Variants in CADPS observed in about 807,000 individuals in gnomAD.
CADPS encodes the protein calcium-dependent secretion activator 1.
In CADPS, 57 loss-of-function variants were observed where a neutral mutation model predicts 167.3. That is an observed-to-expected ratio of 0.34 (90% CI 0.28 to 0.42). The LOEUF (loss-of-function observed/expected upper bound fraction) is 0.42, where lower values mean the gene tolerates loss of function less well. CADPS is among the 20% of genes least tolerant of loss of function. The probability of loss-of-function intolerance (pLI) is 1.00; values close to 1 mark genes in which losing one functional copy is unlikely to be tolerated. For missense variants in CADPS, 1,414 were observed against 1,738.1 expected, an observed-to-expected ratio of 0.81 and a Z score of 3.32; for synonymous variants, 676 against 635.3, an observed-to-expected ratio of 1.06 and a Z score of -0.96.
At chr3:62,545,918 CT>C (rs1317651184) in intron 11 of CADPS, among the ~76,000 whole-genome samples, 1 of 152,022 alleles carries the variant, frequency 6.6e-6, no homozygotes, top group African/African-American at 2.4e-5. Context: ...ACGTAGCTTC[CT>C]TTTGTCTTGT....
chr3:62,670,124 A>G (rs1469652075), intron 3 of CADPS, among the ~76,000 whole-genome samples: 1 of 152,172 alleles, frequency 6.6e-6, no homozygotes, highest in East Asian at 1.9e-4. Context: ...CTCTCGGAGC[A>G]TCTACAGCTG....
Position 62,757,903 on chromosome 3 carries a change from C to T in CADPS, c.556-4130G>A, listed in dbSNP as rs139610071. Reference sequence around the variant, plus strand: ...TGGGAACTCGCCTTTATAAAACCATCAGATATCTTGAGACTTATTCACTAT... The same window carrying T: ...TGGGAACTCGCCTTTATAAAACCATTAGATATCTTGAGACTTATTCACTAT... On this transcript the variant is annotated intron_variant, in intron 2 of 29. Transcript: ENST00000383710. Among the ~76,000 whole-genome samples, 410 of 152,262 alleles carry T rather than the reference C, an allele frequency of 2.7e-3. 3 individuals are homozygous for T. Among genetic ancestry groups the T allele is most frequent in the African/African-American group, 8.3e-3 (345 of 41,544 alleles).
At chr3:62,418,242 A>C (rs560489775) in intron 28 of CADPS, among the ~76,000 whole-genome samples, 1 of 150,140 alleles carries the variant, frequency 6.7e-6, no homozygotes, top group Admixed American at 6.6e-5. Flanking sequence ...TTTAATTTTT[A>C]TTGTATTTTT....
chr3:62,634,661 G>C (rs2065930644), intron 6 of CADPS, among the ~76,000 whole-genome samples: 1 of 152,078 alleles, frequency 6.6e-6, no homozygotes, highest in African/African-American at 2.4e-5. Context: ...TTGACTATTT[G>C]GTCTCCTAAA....
chr3:62,755,230 C>G (rs529901), intron 2 of CADPS, among the ~76,000 whole-genome samples: 137,590 of 152,040 alleles, frequency 0.9, 62,371 homozygotes, highest in African/African-American at 0.94. Context: ...AACCTCTCCC[C>G]CCTGGTGGAA....
Position 62,509,235 on chromosome 3 carries a change from T to C in CADPS, c.2599+3516A>G, listed in dbSNP as rs376273576. On this transcript the variant is annotated intron_variant, in intron 17 of 29. Transcript: ENST00000383710. The stretch of plus-strand genomic sequence containing the variant: ...AAAAGTATTGTTTGAACCCAGGAAG[T>C]AGATGTTGTGGTGAGCCAGGATCCT... Among the ~76,000 whole-genome samples the C allele has an allele frequency of 4.6e-4, 65 of 140,746 alleles. 1 individual carries two copies. In the South Asian group the frequency reaches 7.2e-3, roughly 16 times the overall value. The allele number at this position is 140,746 out of a possible 152,430, so 92.3% of individuals were successfully genotyped here.
At chr3:62,701,619 A>AG (rs1432664289) in intron 3 of CADPS, among the ~76,000 whole-genome samples, 1 of 151,304 alleles carries the variant, frequency 6.6e-6, no homozygotes, top group African/African-American at 2.4e-5. Flanking sequence ...AAAAAAAAAA[A>AG]AAAGAAAGAA....
chr3:62,631,336 A>G (rs2065240129), intron 6 of CADPS, among the ~76,000 whole-genome samples: 1 of 152,160 alleles, frequency 6.6e-6, no homozygotes, highest in African/African-American at 2.4e-5. Context: ...TGGTGCCCTG[A>G]TCACGGATGG....
At chr3:62,606,285 G>A (rs909985712) in intron 6 of CADPS, among the ~76,000 whole-genome samples, 2 of 152,122 alleles carry the variant, frequency 1.3e-5, no homozygotes, top group African/African-American at 4.8e-5. Flanking sequence ...GAGGAGTGGG[G>A]CTTTTAAGAG....
Position 62,874,580 on chromosome 3 carries a change from C to G in CADPS, c.441+9G>C. 6.5e-7 allele frequency: 1 copy of G among 1,543,866 alleles called. No homozygotes were observed. The highest frequency in any genetic ancestry group is 1.7e-4 in the Middle Eastern group (1 of 5,912). ...GGTGCTGCTCCCTGGGCCTCCCAGG[C>G]GCACCTACCTTCTGCTGCCGGCGAG... is the stretch of plus-strand genomic sequence containing the variant. On this transcript the variant is annotated intron_variant, in intron 1 of 29. Transcript: ENST00000383710. This position sits in a 1 kb window ranked among gnomAD's most constrained non-coding sequence, Gnocchi z 7.1.
At chr3:62,663,897 G>A (rs2073903874) in intron 3 of CADPS, among the ~76,000 whole-genome samples, 1 of 152,164 alleles carries the variant, frequency 6.6e-6, no homozygotes. Flanking sequence ...AAACTGGATT[G>A]CAACATTTGG....
At position 62,544,770 on chromosome 3, in the gene CADPS, G is replaced by A; in HGVS notation, c.1966+5133C>T. On this transcript the variant is annotated intron_variant, in intron 11 of 29. Coordinates refer to ENST00000383710, the MANE Select transcript of CADPS (RefSeq NM_003716.4). The surrounding 1 kb of genome is among the most constrained non-coding windows in gnomAD (Gnocchi z 4.4). ...ATTCTAGACATGAGGAAGATTTAAGGGGGAGGGAAGCACATTGCAGGTGTC... is the reference window on the plus strand; with the variant it reads ...ATTCTAGACATGAGGAAGATTTAAGAGGGAGGGAAGCACATTGCAGGTGTC... 1 of 672,410 alleles carries A rather than the reference G, an allele frequency of 1.5e-6. No homozygotes were observed. The highest frequency in any genetic ancestry group is 2.0e-6 in the Non-Finnish European group (1 of 508,374). The allele number at this position is 672,410 out of a possible 1,614,324, so 41.7% of individuals were successfully genotyped here.
Position 62,698,731 on chromosome 3 carries a change from C to CTTTTTTT in CADPS, c.889-36344_889-36338dup, listed in dbSNP as rs201324385. On this transcript the variant is annotated intron_variant, in intron 3 of 29. Coordinates refer to ENST00000383710, the MANE Select transcript of CADPS (RefSeq NM_003716.4). ...TCTCCTTTCCTTTCCTCCCCACTTC[C>CTTTTTTT]TTTTTTTTTTTTTTTTTTTTTTTTT... Among the ~76,000 whole-genome samples the CTTTTTTT allele has an allele frequency of 1.5e-4, 10 of 67,240 alleles. 1 individual carries two copies. Among genetic ancestry groups the CTTTTTTT allele is most frequent in the African/African-American group, 4.8e-4 (8 of 16,668 alleles). The allele number at this position is 67,240 out of a possible 152,430, so 44.1% of individuals were successfully genotyped here.
intron 26 of CADPS, among the ~76,000 whole-genome samples, chr3:62,462,267 G>A (rs2059441005): frequency 6.6e-6 from 1 of 152,270 alleles, no homozygotes; most frequent in Admixed American, 6.5e-5. Flanking sequence ...TGCTGAAGCT[G>A]GTGAGGGAGG....
chr3:62,421,466 C>T lies in CADPS; in HGVS notation c.3777+16638G>A, dbSNP rs1482490000. On this transcript the variant is annotated intron_variant, in intron 28 of 29. Transcript: ENST00000383710. This position sits in a 1 kb window ranked among gnomAD's most constrained non-coding sequence, Gnocchi z 4.7. ...TGACAGATGTACAAAGGCGGAACTGCGCCGTGCAGCTTATCCGCATGCACC... is the reference window on the plus strand; with the variant it reads ...TGACAGATGTACAAAGGCGGAACTGTGCCGTGCAGCTTATCCGCATGCACC... Among the ~76,000 whole-genome samples the T allele has an allele frequency of 3.3e-5, 5 of 152,298 alleles. No homozygotes were observed. The East Asian group carries it at 7.7e-4, about 24-fold the overall frequency.
chr3:62,749,246 T>C (rs1309133734), intron 3 of CADPS, among the ~76,000 whole-genome samples: 1 of 152,240 alleles, frequency 6.6e-6, no homozygotes, highest in Non-Finnish European at 1.5e-5. Context: ...CTCTTATCTT[T>C]TGATAGACAT....
chr3:62,829,614 G>A (rs1443375053), intron 1 of CADPS, among the ~76,000 whole-genome samples: 1 of 151,996 alleles, frequency 6.6e-6, no homozygotes, highest in Non-Finnish European at 1.5e-5. Flanking sequence ...ACTCTTCCAG[G>A]TGTAGTATCA....
Position 62,753,291 on chromosome 3 carries a change from T to A in CADPS, c.888+150A>T. 1.7e-6 allele frequency: 1 copy of A among 603,222 alleles called. No individual in the cohort carries two copies. Among genetic ancestry groups the A allele is most frequent in the Non-Finnish European group, 2.9e-6 (1 of 348,256 alleles). 37.4% of individuals were successfully genotyped at this position (603,222 alleles called of 1,614,324 possible). ...AATCAGAAGAAAAGCATGAATATAC[T>A]CCAGCCTAAACTGTATTCAACTTTT... On this transcript the variant is annotated intron_variant, in intron 3 of 29. Coordinates refer to ENST00000383710, the MANE Select transcript of CADPS (RefSeq NM_003716.4). The surrounding 1 kb of genome is among the most constrained non-coding windows in gnomAD (Gnocchi z 4.6).
At chr3:62,463,496 AC>A (rs1411845640) in intron 26 of CADPS, among the ~76,000 whole-genome samples, 1 of 152,096 alleles carries the variant, frequency 6.6e-6, no homozygotes, top group African/African-American at 2.4e-5. Flanking sequence ...AATATTTCCC[AC>A]TCATGTGCCC....
Sources: allele counts gnomAD v4.1 joint callset (sites outside exome capture counted in the v4.1 genomes callset), GRCh38; gene constraint gnomAD v4.1.1; non-coding constraint Gnocchi (gnomAD v3.1); transcripts MANE v1.5; gene names NCBI Gene and HGNC (gene_info 2026-07-23, HGNC 2026-07-21).